Variants in TPTE2 observed in about 807,000 individuals in gnomAD.
TPTE2 encodes phosphatidylinositol 3,4,5-trisphosphate 3-phosphatase TPTE2.
Under a neutral mutation model 78.6 loss-of-function variants are expected in TPTE2, and 53 were observed. The observed-to-expected ratio is 0.67, with a 90% CI of 0.54 to 0.85. The LOEUF is 0.85. TPTE2 is among the 40% of genes least tolerant of loss of function. TPTE2 has a pLI of 0.00. For synonymous variants in TPTE2, 175 were observed against 206.2 expected (o/e 0.85, Z 1.30); for missense variants, 461 against 623.0 (o/e 0.74, Z 2.77).
intron 13 of TPTE2, among the ~76,000 whole-genome samples, chr13:19,439,413 G>T (rs1286309091): frequency 1.3e-5 from 2 of 151,480 alleles, no homozygotes; most frequent in African/African-American, 4.9e-5. Flanking sequence ...AAGGGAAAGG[G>T]AAAGAAGAAA....
rs760397535 is a variant in TPTE2, at chr13:19,464,453, T to C, written c.741+3A>G. ...TGAGTATTTGTCAGATAAAGACCCT[T>C]ACCTCAATTGGATTTCTATAGAAAG... On this transcript the variant is annotated splice_donor_region_variant and intron_variant, in intron 10 of 19. Transcript: ENST00000400230. 5.0e-6 allele frequency: 8 copies of C among 1,611,302 alleles called. No individual in the cohort carries two copies. In the Middle Eastern group the frequency reaches 4.9e-4, roughly 99 times the overall value.
intron 1 of TPTE2, among the ~76,000 whole-genome samples, chr13:19,528,821 A>C (rs1268889689): frequency 1.3e-5 from 2 of 152,150 alleles, no homozygotes; most frequent in Non-Finnish European, 2.9e-5. Flanking sequence ...TGGCTTCCCC[A>C]GTAAAAGCTC....
intron 4 of TPTE2, among the ~76,000 whole-genome samples, chr13:19,476,415 A>T (rs1176805365): frequency 6.6e-6 from 1 of 151,580 alleles, no homozygotes; most frequent in African/African-American, 2.4e-5. Flanking sequence ...AGTTTCTGTC[A>T]TACTGAAGCC....
chr13:19,538,881 G>A (rs970749738), upstream of TPTE2, among the ~76,000 whole-genome samples: 2 of 152,166 alleles, frequency 1.3e-5, no homozygotes, highest in African/African-American at 2.4e-5. Flanking sequence ...TGGATTTTTT[G>A]TATGTATGGT....
chr13:19,532,418 C>T (rs1327472886), intron 1 of TPTE2, among the ~76,000 whole-genome samples: 1 of 152,084 alleles, frequency 6.6e-6, no homozygotes, highest in Admixed American at 6.5e-5. Context: ...GTTATGAGGA[C>T]AAAGTATTCT....
chr13:19,553,728 A>G, the TPTE2 span, among the ~76,000 whole-genome samples: 8 of 152,230 alleles, frequency 5.3e-5, no homozygotes, highest in Non-Finnish European at 7.3e-5. Flanking sequence ...AGTTACGTAC[A>G]ATTCTAAAAG....
At chr13:19,549,885 G>A in the TPTE2 span, among the ~76,000 whole-genome samples, 2 of 102,466 alleles carry the variant, frequency 2.0e-5, no homozygotes, top group Admixed American at 1.2e-4. Flanking sequence ...ATTATCCTAC[G>A]TGAATTAATG....
At chr13:19,435,796 G>C (rs1392705111) in intron 15 of TPTE2, among the ~76,000 whole-genome samples, 3 of 92,518 alleles carry the variant, frequency 3.2e-5, no homozygotes, top group South Asian at 8.5e-4. Flanking sequence ...ACACACACCA[G>C]GAGTCATCCA....
intron 4 of TPTE2, among the ~76,000 whole-genome samples, chr13:19,482,157 A>C (rs1181003885): frequency 6.6e-6 from 1 of 152,148 alleles, no homozygotes; most frequent in East Asian, 1.9e-4. Flanking sequence ...TATCCAGTAA[A>C]AATGAGAAAC....
intron 1 of TPTE2, among the ~76,000 whole-genome samples, chr13:19,519,760 G>A (rs573187481): frequency 6.6e-6 from 1 of 152,154 alleles, no homozygotes; most frequent in African/African-American, 2.4e-5. Flanking sequence ...TGGTTATTCA[G>A]AGTCCCTTGC....
At chr13:19,483,652 T>C (rs1049901559) in intron 3 of TPTE2, among the ~76,000 whole-genome samples, 3 of 152,224 alleles carry the variant, frequency 2.0e-5, no homozygotes, top group African/African-American at 7.2e-5. Context: ...GTCTTCATTA[T>C]TTATTTCCTT....
upstream of TPTE2, among the ~76,000 whole-genome samples, chr13:19,537,676 C>T (rs971080280): frequency 4.0e-5 from 6 of 151,740 alleles, no homozygotes; most frequent in African/African-American, 1.4e-4. Context: ...TGTGTTGGCT[C>T]ACTGCAACCT....
chr13:19,550,785 T>C, the TPTE2 span, among the ~76,000 whole-genome samples: 1 of 152,042 alleles, frequency 6.6e-6, no homozygotes, highest in Non-Finnish European at 1.5e-5. Context: ...TCTTTCTTCC[T>C]TTTTTATTTA....
the TPTE2 span, chr13:19,560,708 G>C: frequency 3.3e-6 from 5 of 1,505,056 alleles, no homozygotes; most frequent in East Asian, 1.1e-4. Flanking sequence ...GCATTCACTG[G>C]GCCTGTCGTC....
chr13:19,445,864 G>A (rs369519879), intron 13 of TPTE2, among the ~76,000 whole-genome samples: 5 of 152,258 alleles, frequency 3.3e-5, no homozygotes, highest in Admixed American at 6.5e-5. Flanking sequence ...TTGCTTGAAC[G>A]CAGGAGGCGG....
rs568107345 is a variant in TPTE2, at chr13:19,533,421, A to G, written c.-44+3175T>C. Among the ~76,000 whole-genome samples, 6 of 152,378 alleles carry G rather than the reference A, an allele frequency of 3.9e-5. No individual in the cohort carries two copies. The South Asian group carries it at 1.0e-3, about 26-fold the overall frequency. ...TTAAAGATATTGGAAAATGAGAGGA[A>G]TATATAATAAAGATTAAGTATTCTA... On this transcript the variant is annotated intron_variant, in intron 1 of 17. Transcript: ENST00000390680.
intron 3 of TPTE2, among the ~76,000 whole-genome samples, chr13:19,488,620 C>T (rs1446874413): frequency 6.6e-6 from 1 of 152,218 alleles, no homozygotes; most frequent in Non-Finnish European, 1.5e-5. Context: ...TCTTCTGCAG[C>T]TTCCTTACCT....
At chr13:19,456,910 T>C (rs919554485) in intron 10 of TPTE2, among the ~76,000 whole-genome samples, 2 of 152,220 alleles carry the variant, frequency 1.3e-5, no homozygotes, top group Non-Finnish European at 2.9e-5. Context: ...GGAGGACTTA[T>C]ACACAAGTTC....
chr13:19,447,069 T>G (rs1877885866), intron 13 of TPTE2, among the ~76,000 whole-genome samples: 1 of 152,108 alleles, frequency 6.6e-6, no homozygotes, highest in Non-Finnish European at 1.5e-5. Context: ...TTTAAAGAAC[T>G]CCTATAAATC....
Sources: gnomAD v4.1 joint callset for allele counts (sites outside exome capture counted in the v4.1 genomes callset) on GRCh38, gnomAD v4.1.1 for gene constraint, MANE v1.5 for transcripts, NCBI Gene and HGNC (gene_info 2026-07-23, HGNC 2026-07-21) for gene names.